Variants in OSBPL5 observed in about 807,000 individuals in gnomAD.
OSBPL5 encodes oxysterol-binding protein-related protein 5.
In OSBPL5, 71 loss-of-function variants were observed where a neutral mutation model predicts 111.2. The ratio of observed to expected loss-of-function variants is 0.64; its 90% CI spans 0.53 to 0.78. OSBPL5 has a LOEUF of 0.78. OSBPL5 is among the 30% of genes least tolerant of loss of function. OSBPL5 has a pLI of 0.00. For missense variants in OSBPL5, 1,210 were observed against 1,189.3 expected, an observed-to-expected ratio of 1.02 and a Z score of -0.26; for synonymous variants, 549 against 513.9, an observed-to-expected ratio of 1.07 and a Z score of -0.93.
chr11:3,148,160 A>G lies in OSBPL5; in HGVS notation c.-22+17056T>C, dbSNP rs1401097206. On this transcript the variant is annotated intron_variant, in intron 1 of 21. Transcript: ENST00000263650. ...AGTCTGACCACGATGTGTATACAGT[A>G]CAGCCGGGACTCCCCGGGGAGCAGG... Among the ~76,000 whole-genome samples the G allele has an allele frequency of 3.2e-4, 49 of 152,348 alleles. 1 individual carries two copies.
intron 14 of OSBPL5, 70 bp downstream of exon 14, chr11:3,100,088 A>C: frequency 7.1e-7 from 1 of 1,401,640 alleles, no homozygotes; most frequent in East Asian, 2.4e-5. Context: ...AAATAACCAA[A>C]GGGTTTTAGC....
chr11:3,147,646 G>C (rs1846402656), intron 1 of OSBPL5, among the ~76,000 whole-genome samples: 2 of 152,240 alleles, frequency 1.3e-5, no homozygotes, highest in South Asian at 4.1e-4. Flanking sequence ...TTACCCTTGG[G>C]ACTAAAACCC....
Position 3,147,851 on chromosome 11 carries a change from G to A in OSBPL5, c.-22+17365C>T, listed in dbSNP as rs144060082. Among the ~76,000 whole-genome samples the A allele has an allele frequency of 8.2e-3, 1,244 of 152,250 alleles. 13 individuals carry two copies. The highest frequency in any genetic ancestry group is 0.013 in the Non-Finnish European group (893 of 68,010). On this transcript the variant is annotated intron_variant, in intron 1 of 21. Transcript: ENST00000263650. The stretch of plus-strand genomic sequence containing the variant: ...AAGTGGGAGTTGATGCGAGTGACCC[G>A]GGCCCTTCTGTCTCGTCTGGGTCTC...
At position 3,093,844 on chromosome 11, in the gene OSBPL5, C is replaced by G; in HGVS notation, c.1720-9G>C. 6.2e-7 allele frequency: 1 copy of G among 1,608,496 alleles called. No individual in the cohort carries two copies. Among genetic ancestry groups the G allele is most frequent in the Non-Finnish European group, 8.5e-7 (1 of 1,179,070 alleles). ...CTACCCCCGAAGAAGGGCTGCGGGG[C>G]CACACCCAGAACAGAGCCCAGTGAG... On this transcript the variant is annotated splice_polypyrimidine_tract_variant and intron_variant, in intron 15 of 21. Coordinates refer to ENST00000263650, the MANE Select transcript of OSBPL5 (RefSeq NM_020896.4).
intron 4 of OSBPL5, 109 bp downstream of exon 4, chr11:3,122,212 AGGAAGTAGGGGGTGTGGAGGCGACCAG>A: frequency 7.5e-7 from 1 of 1,331,798 alleles, no homozygotes; most frequent in East Asian, 2.5e-5. Context: ...AGGAAGTAGG[AGGAAGTAGGGGGTGTGGAGGCGACCAG>A]GTGCGGTTTG....
intron 1 of OSBPL5, among the ~76,000 whole-genome samples, chr11:3,147,682 G>T (rs1379884138): frequency 6.6e-6 from 1 of 152,224 alleles, no homozygotes; most frequent in African/African-American, 2.4e-5. Context: ...TGCTGGAAGA[G>T]AGGCGGACGG....
At chr11:3,099,441 G>A (rs1014978655) in intron 14 of OSBPL5, among the ~76,000 whole-genome samples, 5 of 152,188 alleles carry the variant, frequency 3.3e-5, no homozygotes, top group Non-Finnish European at 7.3e-5. Flanking sequence ...ACCTCAGTGT[G>A]AGATGTTAAT....
chr11:3,114,910 C>A (rs1284153042), intron 7 of OSBPL5, among the ~76,000 whole-genome samples: 1 of 152,062 alleles, frequency 6.6e-6, no homozygotes, highest in Non-Finnish European at 1.5e-5. Context: ...CCGACATTTT[C>A]TTAAGAGGTT....
chr11:3,127,878 C>T (rs530520289), intron 2 of OSBPL5, among the ~76,000 whole-genome samples: 6 of 152,254 alleles, frequency 3.9e-5, no homozygotes, highest in South Asian at 4.1e-4. Flanking sequence ...CTCCATTCCT[C>T]GGAAAAGGCC....
At chr11:3,149,263 G>T (rs577989434) in intron 1 of OSBPL5, among the ~76,000 whole-genome samples, 1 of 152,360 alleles carries the variant, frequency 6.6e-6, no homozygotes, top group East Asian at 1.9e-4. Context: ...GCAGAGGCCC[G>T]GGTCAGGCCC....
chr11:3,138,078 C>T (rs776743628), intron 1 of OSBPL5, among the ~76,000 whole-genome samples: 1 of 152,232 alleles, frequency 6.6e-6, no homozygotes, highest in Non-Finnish European at 1.5e-5. Context: ...TGCGTGTTCT[C>T]CGGGCTGCCT....
At position 3,104,443 on chromosome 11, in the gene OSBPL5, T is replaced by A; in HGVS notation, c.1060-66A>T. On this transcript the variant is annotated intron_variant, in intron 9 of 21. Coordinates refer to ENST00000263650, the MANE Select transcript of OSBPL5 (RefSeq NM_020896.4). The surrounding 1 kb of genome is among the most constrained non-coding windows in gnomAD (Gnocchi z 5.0). Reference sequence around the variant, plus strand: ...CCGGGAGGAAGGGGTGGCGGGACAGTGGCAGCTCTGGCTGGAGGAGGCTGT... The same window carrying A: ...CCGGGAGGAAGGGGTGGCGGGACAGAGGCAGCTCTGGCTGGAGGAGGCTGT... 6.5e-7 allele frequency: 1 copy of A among 1,549,654 alleles called. No individual in the cohort carries two copies. The highest frequency in any genetic ancestry group is 1.8e-4 in the Middle Eastern group (1 of 5,654).
intron 1 of OSBPL5, among the ~76,000 whole-genome samples, chr11:3,135,566 C>A (rs566216499): frequency 1.7e-4 from 26 of 152,318 alleles, no homozygotes; most frequent in African/African-American, 5.8e-4. Context: ...CAGGCTAGCC[C>A]CAGACTCCCA....
chr11:3,163,529 T>TGGGGGG (rs199830392), intron 1 of OSBPL5, among the ~76,000 whole-genome samples: 291 of 101,328 alleles, frequency 2.9e-3, no homozygotes, highest in Non-Finnish European at 4.2e-3. Flanking sequence ...AGGGGTTGGG[T>TGGGGGG]GGGGGGGGCG....
chr11:3,087,990 G>A lies in OSBPL5; in HGVS notation c.*215C>T, dbSNP rs1856927760. 2.3e-6 allele frequency: 1 copy of A among 436,412 alleles called. No homozygotes were observed. Among genetic ancestry groups the A allele is most frequent in the East Asian group, 3.5e-5 (1 of 28,194 alleles). 27.0% of individuals were successfully genotyped at this position (436,412 alleles called of 1,614,324 possible). ...GGCTTTAGCATTAAGGCCAGCGCTG[G>A]GCGGAAGGCCCTGCAGAGAGGCCAG... On this transcript the variant is annotated 3_prime_UTR_variant, in exon 22 of 22. Coordinates refer to ENST00000263650, the MANE Select transcript of OSBPL5 (RefSeq NM_020896.4).
Position 3,121,827 on chromosome 11 carries a change from C to G in OSBPL5, c.402+170G>C, listed in dbSNP as rs1360836696. On this transcript the variant is annotated intron_variant, in intron 5 of 21. Coordinates refer to ENST00000263650, the MANE Select transcript of OSBPL5 (RefSeq NM_020896.4). The surrounding 1 kb of genome is among the most constrained non-coding windows in gnomAD (Gnocchi z 4.3). ...GTGTCCTTATAAAAAGGGGGAGAGA[C>G]AGGTGGATAAGGAAAGGCCTCATGA... 6.4e-6 allele frequency: 4 copies of G among 626,336 alleles called. No individual in the cohort carries two copies. The highest frequency in any genetic ancestry group is 2.8e-5 in the East Asian group (1 of 36,186). 38.8% of individuals were successfully genotyped at this position (626,336 alleles called of 1,614,324 possible).
intron 1 of OSBPL5, among the ~76,000 whole-genome samples, chr11:3,149,943 G>A (rs1247506249): frequency 6.6e-6 from 1 of 152,184 alleles, no homozygotes; most frequent in Non-Finnish European, 1.5e-5. Context: ...ACACACGGAT[G>A]CATGGACACA....
chr11:3,138,049 C>T (rs1009478045), intron 1 of OSBPL5, among the ~76,000 whole-genome samples: 10 of 152,192 alleles, frequency 6.6e-5, no homozygotes, highest in Non-Finnish European at 1.0e-4. Flanking sequence ...CTGCTGAGGA[C>T]GCAGCATCGA....
At chr11:3,116,988 C>A (rs1266889093) in intron 7 of OSBPL5, among the ~76,000 whole-genome samples, 1 of 152,060 alleles carries the variant, frequency 6.6e-6, no homozygotes, top group African/African-American at 2.4e-5. Context: ...TGAGTATACT[C>A]CTGTGAACAA....
Sources: gnomAD v4.1 joint callset for allele counts (sites outside exome capture counted in the v4.1 genomes callset) on GRCh38, gnomAD v4.1.1 for gene constraint, Gnocchi (gnomAD v3.1) non-coding constraint, MANE v1.5 for transcripts, NCBI Gene and HGNC (gene_info 2026-07-23, HGNC 2026-07-21) for gene names.